Variants in PARVB observed in about 807,000 individuals in gnomAD.
PARVB encodes parvin beta.
In PARVB, 46 loss-of-function variants were observed where a neutral mutation model predicts 47.0. The observed-to-expected ratio is 0.98, with a 90% CI of 0.77 to 1.25. The LOEUF is 1.25. PARVB is among the 50% of genes most tolerant of loss of function. The probability of loss-of-function intolerance (pLI) is 0.00; values close to 1 mark genes in which losing one functional copy is unlikely to be tolerated. For synonymous variants in PARVB, 196 were observed against 196.3 expected (o/e 1.00, Z 0.01); for missense variants, 473 against 471.6 (o/e 1.00, Z -0.03).
intron 1 of PARVB, among the ~76,000 whole-genome samples, chr22:44,088,747 C>T (rs2052092387): frequency 6.6e-6 from 1 of 152,206 alleles, no homozygotes; most frequent in South Asian, 2.1e-4. Context: ...GCTGGAATTA[C>T]AGGTTTGAGC....
chr22:44,076,574 G>A (rs955272367), intron 1 of PARVB, among the ~76,000 whole-genome samples: 2 of 152,218 alleles, frequency 1.3e-5, no homozygotes, highest in African/African-American at 4.8e-5. Context: ...TGTGCGTGGG[G>A]TGTGTTTTGA....
intron 3 of PARVB, chr22:44,115,479 C>T (rs1247107383): frequency 9.4e-6 from 1 of 106,580 alleles, no homozygotes; most frequent in East Asian, 3.3e-4. Flanking sequence ...AACACAGATA[C>T]ATTGTTACTA....
At chr22:44,147,771 G>C in intron 8 of PARVB, 90 bp from the exon 9 acceptor site, 1 of 1,034,794 alleles carries the variant, frequency 9.7e-7, no homozygotes, top group Non-Finnish European at 1.5e-6. Flanking sequence ...TGAACCTCCT[G>C]AGGGATCAGA....
intron 1 of PARVB, among the ~76,000 whole-genome samples, chr22:44,088,076 G>A (rs370616789): frequency 3.9e-5 from 6 of 152,250 alleles, no homozygotes; most frequent in South Asian, 2.1e-4. Flanking sequence ...ACACAGAGCC[G>A]TCAAGCAGCT....
intron 3 of PARVB, chr22:44,114,256 A>G (rs1166174709): frequency 4.4e-5 from 2 of 45,552 alleles, no homozygotes; most frequent in Non-Finnish European, 9.0e-5. Context: ...CATTGTTACT[A>G]ACTAAGGCCC....
intron 2 of PARVB, among the ~76,000 whole-genome samples, chr22:44,005,967 G>A (rs530021825): frequency 5.9e-5 from 9 of 152,182 alleles, no homozygotes; most frequent in African/African-American, 1.9e-4. Flanking sequence ...TGTTCAAAAC[G>A]CCAAGACTCA....
chr22:44,100,167 G>T (rs768230126), intron 3 of PARVB, 44 bp downstream of exon 3: 27 of 1,520,348 alleles, frequency 1.8e-5, no homozygotes, highest in Non-Finnish European at 2.2e-5. Flanking sequence ...TTAGGGCGAG[G>T]ACTTGGCTTT....
chr22:44,061,087 C>T (rs2051409681), intron 1 of PARVB, among the ~76,000 whole-genome samples: 1 of 152,174 alleles, frequency 6.6e-6, no homozygotes, highest in Non-Finnish European at 1.5e-5. Flanking sequence ...CCTTCTTGCA[C>T]TTGGGAACAC....
upstream of PARVB, among the ~76,000 whole-genome samples, chr22:44,021,476 C>T (rs749509913): frequency 9.9e-5 from 15 of 152,192 alleles, no homozygotes; most frequent in Non-Finnish European, 2.2e-4. Context: ...AAAGATCCAA[C>T]ATGATAACAC....
intron 2 of PARVB, among the ~76,000 whole-genome samples, chr22:44,099,188 C>T (rs1398435006): frequency 6.6e-6 from 1 of 152,166 alleles, no homozygotes; most frequent in Non-Finnish European, 1.5e-5. Flanking sequence ...GGAGCCTGGG[C>T]CCCACCCGAC....
At chr22:44,165,454 G>T (rs868609585) in intron 12 of PARVB, among the ~76,000 whole-genome samples, 1 of 152,196 alleles carries the variant, frequency 6.6e-6, no homozygotes, top group Non-Finnish European at 1.5e-5. Flanking sequence ...TACCGGCCCG[G>T]CCTGGGTCTC....
intron 2 of PARVB, among the ~76,000 whole-genome samples, chr22:44,016,444 GTGTGTCCA>G (rs2050584280): frequency 6.6e-6 from 1 of 152,094 alleles, no homozygotes; most frequent in African/African-American, 2.4e-5. Flanking sequence ...CTCACTCTCT[GTGTGTCCA>G]TGTCTTAGTT....
intron 8 of PARVB, chr22:44,147,517 G>A (rs2053710977): frequency 2.5e-6 from 1 of 394,816 alleles, no homozygotes; most frequent in Non-Finnish European, 4.9e-6. Flanking sequence ...GTGGGAACAG[G>A]GAGAATTCAG....
At chr22:44,019,614 G>A (rs1027105867), upstream of PARVB, among the ~76,000 whole-genome samples, 3 of 152,300 alleles carry the variant, frequency 2.0e-5, no homozygotes, top group Admixed American at 2.0e-4. Flanking sequence ...GGTGAGGGCC[G>A]CAGGCTGCTT....
intron 2 of PARVB, among the ~76,000 whole-genome samples, chr22:44,096,971 C>T (rs994319268): frequency 6.6e-6 from 1 of 152,040 alleles, no homozygotes; most frequent in Non-Finnish European, 1.5e-5. Context: ...CATGTCTGAC[C>T]CCCCGGCACC....
chr22:44,024,510 G>T, intron 1 of PARVB, 59 bp downstream of exon 1: 1 of 922,508 alleles, frequency 1.1e-6, no homozygotes, highest in South Asian at 4.9e-5. Context: ...GCCCGCCCTC[G>T]GCCCTAGAGC....
intron 2 of PARVB, among the ~76,000 whole-genome samples, chr22:44,015,310 CAA>C (rs2050564530): frequency 6.6e-6 from 1 of 151,330 alleles, no homozygotes; most frequent in African/African-American, 2.5e-5. Context: ...TTTTTTCTAA[CAA>C]AGAGCAGCCT....
chr22:44,013,829 C>T (rs545740777), intron 2 of PARVB, among the ~76,000 whole-genome samples: 14 of 152,244 alleles, frequency 9.2e-5, no homozygotes, highest in Middle Eastern at 3.4e-3. Context: ...GACAGGGTTT[C>T]GCCATGTTGG....
intron 3 of PARVB, among the ~76,000 whole-genome samples, chr22:44,101,106 G>C (rs62227667): frequency 1.3e-5 from 2 of 152,162 alleles, no homozygotes; most frequent in African/African-American, 4.8e-5. Context: ...TGCAAGTTAT[G>C]TTCTTTTAAA....
Sources: allele counts gnomAD v4.1 joint callset (sites outside exome capture counted in the v4.1 genomes callset), GRCh38; gene constraint gnomAD v4.1.1; transcripts MANE v1.5; gene names NCBI Gene and HGNC (gene_info 2026-07-23, HGNC 2026-07-21).